The following ITGB5 variants were observed in gnomAD, a reference collection of about 807,000 sequenced individuals.
ITGB5 encodes the protein integrin subunit beta 5, also known as integrin beta-5.
Under a neutral mutation model 84.8 loss-of-function variants are expected in ITGB5, and 38 were observed. The observed-to-expected ratio is 0.45, with a 90% confidence interval of 0.35 to 0.59. The LOEUF is 0.59. Ranked by LOEUF, ITGB5 falls within the 20% of genes least tolerant of loss-of-function variation. The pLI, the probability that ITGB5 is intolerant of heterozygous loss-of-function variation, is 0.01. For missense variants in ITGB5, 905 were observed against 1,034.5 expected (o/e 0.87, Z 1.72); for synonymous variants, 393 against 414.4 (o/e 0.95, Z 0.63).
intron 2 of ITGB5, among the ~76,000 whole-genome samples, chr3:124,872,862 C>T (rs1286771513): frequency 6.6e-6 from 1 of 152,164 alleles, no homozygotes; most frequent in African/African-American, 2.4e-5. Context: ...AATCCTCCTG[C>T]CTTGGCCTCC....
intron 1 of ITGB5, among the ~76,000 whole-genome samples, chr3:124,896,289 T>C (rs1312075227): frequency 6.6e-6 from 1 of 152,196 alleles, no homozygotes; most frequent in African/African-American, 2.4e-5. Context: ...GATAGTTTCC[T>C]CTTCTCCCAG....
Position 124,769,004 on chromosome 3 carries a change from C to T in ITGB5, c.2017+9G>A, listed in dbSNP as rs757249704. ...ACCGTGACTGCCCGGGTGGTGGCAG[C>T]ACACTCACCGATGGTGTCCACCCAT... is the stretch of plus-strand genomic sequence containing the variant. On this transcript the variant is annotated intron_variant, in intron 12 of 14. Coordinates refer to ENST00000296181, the MANE Select transcript of ITGB5 (RefSeq NM_002213.5). 11 of 1,603,804 alleles carry T rather than the reference C, an allele frequency of 6.9e-6. No individual in the cohort carries two copies. The South Asian group carries it at 1.1e-4, about 16-fold the overall frequency.
chr3:124,803,795 A>T (rs1035964254), intron 9 of ITGB5, among the ~76,000 whole-genome samples: 1 of 152,204 alleles, frequency 6.6e-6, no homozygotes, highest in African/African-American at 2.4e-5. Flanking sequence ...GGTTTGGTAG[A>T]ATAGAATCGT....
Position 124,768,884 on chromosome 3 carries a change from G to C in ITGB5, c.2017+129C>G, listed in dbSNP as rs563134117. 261 of 631,832 alleles carry C rather than the reference G, an allele frequency of 4.1e-4. 1 individual carries two copies. In the Middle Eastern group the frequency reaches 5.2e-3, roughly 13 times the overall value. 39.1% of individuals were successfully genotyped at this position (631,832 alleles called of 1,614,324 possible). On this transcript the variant is annotated intron_variant, in intron 12 of 14. Coordinates refer to ENST00000296181, the MANE Select transcript of ITGB5 (RefSeq NM_002213.5). ...GCTGTGGATGATGGTTCCAGCACCG[G>C]GTCCTCATGGGGAGCCCACAGTTAT...
intron 2 of ITGB5, among the ~76,000 whole-genome samples, chr3:124,871,844 TAAAAATAAATAATA>T (rs1934068616): frequency 6.9e-6 from 1 of 144,398 alleles, no homozygotes; most frequent in Non-Finnish European, 1.5e-5. Context: ...AAAATAAAAA[TAAAAATAAATAATA>T]AATAAATAAA....
At chr3:124,830,320 G>A (rs548315624) in intron 5 of ITGB5, among the ~76,000 whole-genome samples, 2 of 152,194 alleles carry the variant, frequency 1.3e-5, no homozygotes, top group Non-Finnish European at 2.9e-5. Context: ...ATATGGTAAG[G>A]TGGCTCCATG....
chr3:124,789,497 T>A (rs75713611), intron 10 of ITGB5, among the ~76,000 whole-genome samples: 3 of 24 alleles, frequency 0.12, no homozygotes, highest in African/African-American at 0.38. Context: ...GACAGGGTTA[T>A]CAGAACCGCC....
At chr3:124,785,596 A>C (rs946488004) in intron 10 of ITGB5, among the ~76,000 whole-genome samples, 2 of 151,938 alleles carry the variant, frequency 1.3e-5, no homozygotes, top group Non-Finnish European at 2.9e-5. Flanking sequence ...AAAAAAAAAA[A>C]AAAACCCCAA....
upstream of ITGB5, chr3:124,887,379 G>T: frequency 6.3e-6 from 1 of 158,116 alleles, no homozygotes; most frequent in South Asian, 1.7e-4. Context: ...CCTGGCCTCC[G>T]CCCCTTCCCT....
At chr3:124,767,326 G>C (rs571361459) in intron 12 of ITGB5, among the ~76,000 whole-genome samples, 1 of 152,314 alleles carries the variant, frequency 6.6e-6, no homozygotes, top group South Asian at 2.1e-4. Context: ...CGAAAGCCTG[G>C]ACTTTCTGTC....
chr3:124,832,873 T>G (rs1338682606), intron 5 of ITGB5: 3 of 152,328 alleles, frequency 2.0e-5, no homozygotes, highest in African/African-American at 7.2e-5. Context: ...GAAAGGGGAC[T>G]GACCTGGGCA....
intron 10 of ITGB5, chr3:124,787,748 A>G (rs918444686): frequency 6.6e-6 from 1 of 152,212 alleles, no homozygotes; most frequent in African/African-American, 2.4e-5. Context: ...TTCTCCAACC[A>G]CAAGCTGCAA....
intron 5 of ITGB5, among the ~76,000 whole-genome samples, chr3:124,822,911 G>A (rs1292689778): frequency 6.6e-6 from 1 of 152,146 alleles, no homozygotes; most frequent in African/African-American, 2.4e-5. Context: ...AGGAGGGAGA[G>A]GCTTCCCAGC....
At position 124,859,365 on chromosome 3, in the gene ITGB5, C is replaced by G. The variant is rs112151655; in HGVS notation, c.238G>C (p.Glu80Gln). 9,379 of 1,614,140 alleles carry G rather than the reference C, an allele frequency of 5.8e-3. 44 individuals carry two copies. Among genetic ancestry groups the G allele is most frequent in the Non-Finnish European group, 6.9e-3 (8,117 of 1,180,030 alleles). The change falls in exon 3 of 15, where the codon GAG (glutamate) becomes CAG (glutamine). Residue 80 changes from glutamate (E) to glutamine (Q), a missense_variant. This residue lies in a region of ITGB5 where 656 missense variants were observed against 734.7 expected (regional missense o/e 0.89). Transcript: ENST00000296181. ...LVKNGCGGEI[E>Q]SPASSFHVLR... ...ACATGGAAGCTGCTGGCTGGGCTCTCTATCTCACCTCCACAGCCATTTTTG... is the reference window on the plus strand; with the variant it reads ...ACATGGAAGCTGCTGGCTGGGCTCTGTATCTCACCTCCACAGCCATTTTTG...
At chr3:124,872,818 G>C (rs1189310629) in intron 2 of ITGB5, among the ~76,000 whole-genome samples, 1 of 150,096 alleles carries the variant, frequency 6.7e-6, no homozygotes, top group African/African-American at 2.4e-5. Context: ...TGTTGTCTAG[G>C]CTGGACTCAA....
At chr3:124,898,643 CAAA>C (rs68025034) in intron 1 of ITGB5, among the ~76,000 whole-genome samples, 4 of 29,270 alleles carry the variant, frequency 1.4e-4, no homozygotes, top group East Asian at 1.5e-3. Flanking sequence ...GACTCCGTCT[CAAA>C]AAAAAAAAAA....
chr3:124,853,569 G>A (rs898323165), intron 3 of ITGB5, among the ~76,000 whole-genome samples: 6 of 151,978 alleles, frequency 3.9e-5, no homozygotes, highest in Non-Finnish European at 5.9e-5. Flanking sequence ...GACTTTCTTC[G>A]TCTATTTAAG....
At chr3:124,896,220 C>A (rs1935098485) in intron 1 of ITGB5, among the ~76,000 whole-genome samples, 1 of 152,170 alleles carries the variant, frequency 6.6e-6, no homozygotes, top group African/African-American at 2.4e-5. Context: ...AGCGAATCCA[C>A]CCCAATTATT....
intron 8 of ITGB5, among the ~76,000 whole-genome samples, chr3:124,816,913 G>A (rs1192071679): frequency 6.6e-6 from 1 of 152,144 alleles, no homozygotes; most frequent in African/African-American, 2.4e-5. Context: ...ATCTTAAGTA[G>A]GTAGGCAAAA....
Sources: gnomAD v4.1 joint callset for allele counts (sites outside exome capture counted in the v4.1 genomes callset) on GRCh38, gnomAD v4.1.1 for gene constraint, gnomAD v4.1.1 regional missense constraint, MANE v1.5 for transcripts, NCBI Gene and HGNC (gene_info 2026-07-23, HGNC 2026-07-21) for gene names.